ZBTB46: variants seen among roughly 807,000 people sequenced by gnomAD.
ZBTB46 encodes zinc finger and BTB domain-containing protein 46.
Under a neutral mutation model 44.1 loss-of-function variants are expected in ZBTB46, and 8 were observed. The ratio of observed to expected loss-of-function variants is 0.18; its 90% CI spans 0.11 to 0.33. The LOEUF (loss-of-function observed/expected upper bound fraction) is 0.33. Among genes scored for constraint, ZBTB46 ranks in the 10% least tolerant of loss-of-function variants. The probability of loss-of-function intolerance (pLI) is 1.00; values close to 1 mark genes in which losing one functional copy is unlikely to be tolerated. For missense variants in ZBTB46, 651 were observed against 847.7 expected, an observed-to-expected ratio of 0.77 and a Z score of 2.88; for synonymous variants, 409 against 382.3, an observed-to-expected ratio of 1.07 and a Z score of -0.81.
intron 1 of ZBTB46, among the ~76,000 whole-genome samples, chr20:63,802,957 G>A (rs148825095): frequency 3.3e-5 from 5 of 152,310 alleles, no homozygotes; most frequent in Admixed American, 2.0e-4. Context: ...TGTTTACGAC[G>A]TTCCCTTTGT....
intron 1 of ZBTB46, among the ~76,000 whole-genome samples, chr20:63,830,489 C>T (rs2092843372): frequency 6.6e-6 from 1 of 150,654 alleles, no homozygotes; most frequent in Non-Finnish European, 1.5e-5. Flanking sequence ...GGAGACCAGG[C>T]CGGCGCCCGG....
At chr20:63,788,836 CTTTT>C (rs1172831876) in intron 2 of ZBTB46, among the ~76,000 whole-genome samples, 1 of 133,096 alleles carries the variant, frequency 7.5e-6, no homozygotes, top group African/African-American at 2.7e-5. Flanking sequence ...GAGACTGTCT[CTTTT>C]TTTTTTTTTT....
intron 3 of ZBTB46, among the ~76,000 whole-genome samples, chr20:63,774,193 G>C (rs1055432395): frequency 6.6e-6 from 1 of 151,694 alleles, no homozygotes; most frequent in South Asian, 2.1e-4. Flanking sequence ...ACCCTTCGAC[G>C]GACACGGCTC....
chr20:63,747,547 C>CAGGGCCTGGTGGGTGGGGGGCGGGGCA (rs529992195), intron 4 of ZBTB46, among the ~76,000 whole-genome samples: 3 of 10,518 alleles, frequency 2.9e-4, no homozygotes, highest in African/African-American at 1.0e-3. Context: ...GGGGGGGGTG[C>CAGGGCCTGGTGGGTGGGGGGCGGGGCA]GGGGGTGAGC....
chr20:63,779,862 A>T (rs1387102594), intron 2 of ZBTB46, among the ~76,000 whole-genome samples: 1 of 152,092 alleles, frequency 6.6e-6, no homozygotes, highest in African/African-American at 2.4e-5. Context: ...GCCTGGCCAA[A>T]ATCACCCAAT....
At chr20:63,817,273 G>A (rs909956202) in intron 1 of ZBTB46, among the ~76,000 whole-genome samples, 5 of 152,108 alleles carry the variant, frequency 3.3e-5, no homozygotes, top group Admixed American at 1.3e-4. Flanking sequence ...AGGTATGATG[G>A]TGCATGCTTG....
chr20:63,749,977 A>G (rs1477232987), intron 4 of ZBTB46, among the ~76,000 whole-genome samples: 11 of 152,230 alleles, frequency 7.2e-5, no homozygotes, highest in Non-Finnish European at 5.9e-5. Flanking sequence ...TGGCTGCAAG[A>G]GCACGGCTGG....
intron 1 of ZBTB46, among the ~76,000 whole-genome samples, chr20:63,813,901 G>A (rs1474620546): frequency 2.0e-5 from 3 of 152,192 alleles, no homozygotes; most frequent in African/African-American, 7.2e-5. Context: ...GAAGCACCGA[G>A]GGTAAAACTG....
At chr20:63,813,455 A>T (rs914216619) in intron 1 of ZBTB46, among the ~76,000 whole-genome samples, 2 of 150,294 alleles carry the variant, frequency 1.3e-5, no homozygotes, top group Non-Finnish European at 3.0e-5. Flanking sequence ...CTCAAAAAAA[A>T]AAAATAAATA....
intron 2 of ZBTB46, among the ~76,000 whole-genome samples, chr20:63,784,215 G>A (rs941247200): frequency 1.3e-5 from 2 of 152,176 alleles, no homozygotes; most frequent in African/African-American, 4.8e-5. Flanking sequence ...CAGCACAAGG[G>A]AGAGAAACCC....
chr20:63,824,214 G>A (rs990864051), intron 1 of ZBTB46, among the ~76,000 whole-genome samples: 1 of 152,084 alleles, frequency 6.6e-6, no homozygotes, highest in African/African-American at 2.4e-5. Flanking sequence ...ACACTGAAAT[G>A]GGAGGAGGAA....
At chr20:63,763,359 C>G (rs2092293126) in intron 3 of ZBTB46, among the ~76,000 whole-genome samples, 1 of 152,094 alleles carries the variant, frequency 6.6e-6, no homozygotes. Context: ...GAAATACCTG[C>G]AACTGGATAA....
At chr20:63,795,271 A>C (rs1007533722) in intron 1 of ZBTB46, among the ~76,000 whole-genome samples, 2 of 152,238 alleles carry the variant, frequency 1.3e-5, no homozygotes, top group Admixed American at 6.5e-5. Flanking sequence ...ACCTGAAGCC[A>C]TGCTCCAAAC....
chr20:63,776,667 G>A (rs2092428225), intron 2 of ZBTB46, among the ~76,000 whole-genome samples: 1 of 152,084 alleles, frequency 6.6e-6, no homozygotes, highest in African/African-American at 2.4e-5. Context: ...AGCCGGGCGT[G>A]GTGGCACGTG....
At chr20:63,800,918 G>T (rs559237690) in intron 1 of ZBTB46, among the ~76,000 whole-genome samples, 1 of 152,348 alleles carries the variant, frequency 6.6e-6, no homozygotes, top group East Asian at 1.9e-4. Context: ...AGGAGTGCAG[G>T]TGCACAGAGC....
chr20:63,772,521 C>T (rs980835169), intron 3 of ZBTB46, among the ~76,000 whole-genome samples: 10 of 151,818 alleles, frequency 6.6e-5, no homozygotes, highest in Admixed American at 2.0e-4. Context: ...GAGTTCGAGA[C>T]CAGCCTGGCC....
intron 1 of ZBTB46, among the ~76,000 whole-genome samples, chr20:63,815,554 G>A (rs2146052434): frequency 1.6e-5 from 2 of 123,674 alleles, no homozygotes; most frequent in Middle Eastern, 8.9e-3. Context: ...TGCAGGTGCA[G>A]TGGGTGCAGA....
rs1022899008 is a variant in ZBTB46, at chr20:63,803,993, C to A, written c.-33-13203G>T. 6.6e-6 allele frequency among the ~76,000 whole-genome samples: 1 copy of A among 152,216 alleles called. No individual in the cohort carries two copies. The highest frequency in any genetic ancestry group is 1.5e-5 in the Non-Finnish European group (1 of 68,048). The stretch of plus-strand genomic sequence containing the variant: ...GGATGATAGGCGTGAGCCACTGCAC[C>A]GACATAACGTCACTTCCTTCTGTCG... On this transcript the variant is annotated intron_variant, in intron 1 of 4. Transcript: ENST00000245663. This position sits in a 1 kb window ranked among gnomAD's most constrained non-coding sequence, Gnocchi z 4.0.
chr20:63,772,429 T>G (rs1238537585), intron 3 of ZBTB46, among the ~76,000 whole-genome samples: 2 of 151,774 alleles, frequency 1.3e-5, no homozygotes, highest in Non-Finnish European at 2.9e-5. Context: ...AAAAACTGAG[T>G]GAGATGGGGC....
Sources: allele counts gnomAD v4.1 joint callset (sites outside exome capture counted in the v4.1 genomes callset), GRCh38; gene constraint gnomAD v4.1.1; non-coding constraint Gnocchi (gnomAD v3.1); transcripts MANE v1.5; gene names NCBI Gene and HGNC (gene_info 2026-07-23, HGNC 2026-07-21).